Variants in PHACTR1 observed in about 807,000 individuals in gnomAD.
PHACTR1 encodes the protein RPEL repeat containing 1.
Under a neutral mutation model 69.2 loss-of-function variants are expected in PHACTR1, and 16 were observed. The ratio of observed to expected loss-of-function variants is 0.23; its 90% confidence interval spans 0.16 to 0.35. PHACTR1 has a LOEUF of 0.35. Ranked by LOEUF, PHACTR1 falls within the 10% of genes least tolerant of loss-of-function variation. The pLI is 1.00. For synonymous variants in PHACTR1, 312 were observed against 284.5 expected (o/e 1.10, Z -0.97); for missense variants, 510 against 734.7 (o/e 0.69, Z 3.54).
chr6:12,784,094 T>G (rs1050275833), intron 4 of PHACTR1, among the ~76,000 whole-genome samples: 5 of 151,928 alleles, frequency 3.3e-5, no homozygotes, highest in African/African-American at 1.2e-4. Context: ...CACATATATC[T>G]CTACACCTAC....
chr6:13,145,787 C>G (rs1823251000), intron 5 of PHACTR1, among the ~76,000 whole-genome samples: 1 of 152,188 alleles, frequency 6.6e-6, no homozygotes, highest in African/African-American at 2.4e-5. Flanking sequence ...GGGTCAAGAT[C>G]TTTATCTTGG....
intron 10 of PHACTR1, among the ~76,000 whole-genome samples, chr6:13,239,907 G>A (rs552983283): frequency 2.6e-4 from 39 of 152,214 alleles, no homozygotes; most frequent in South Asian, 1.0e-3. Context: ...GGAGAGCACC[G>A]TTAGTTCTCT....
rs111819265 is a variant in PHACTR1 at position 12,982,403 on chromosome 6, G to A, written c.251-70962G>A. ...CACTGTTAAAATTAACCTATCAGCC[G>A]GGCATGGTGGCTCACGCCTGTAATC... On this transcript the variant is annotated intron_variant, in intron 4 of 14. Coordinates refer to ENST00000332995, the MANE Select transcript of PHACTR1 (RefSeq NM_030948.6). Among the ~76,000 whole-genome samples the A allele has an allele frequency of 2.8e-3, 424 of 152,284 alleles. 3 individuals are homozygous for A. Among genetic ancestry groups the A allele is most frequent in the African/African-American group, 9.2e-3 (383 of 41,550 alleles).
intron 4 of PHACTR1, among the ~76,000 whole-genome samples, chr6:12,962,986 A>G (rs185218772): frequency 1.3e-5 from 2 of 152,338 alleles, no homozygotes; most frequent in African/African-American, 2.4e-5. Flanking sequence ...CAGCACATGC[A>G]TGCACACACA....
At chr6:13,170,685 C>G (rs1359693490) in intron 6 of PHACTR1, among the ~76,000 whole-genome samples, 1 of 152,224 alleles carries the variant, frequency 6.6e-6, no homozygotes, top group Non-Finnish European at 1.5e-5. Flanking sequence ...AGTACTCTTG[C>G]AGGAGTCCTG....
intron 4 of PHACTR1, among the ~76,000 whole-genome samples, chr6:13,005,092 C>T (rs1190663600): frequency 6.6e-6 from 1 of 151,762 alleles, no homozygotes; most frequent in Admixed American, 6.6e-5. Flanking sequence ...ATGATACATC[C>T]TTTACATCCT....
chr6:12,841,442 G>C (rs967814803), intron 4 of PHACTR1, among the ~76,000 whole-genome samples: 12 of 152,178 alleles, frequency 7.9e-5, no homozygotes, highest in African/African-American at 2.7e-4. Flanking sequence ...AATGAGTGGG[G>C]CTTCACAATA....
intron 4 of PHACTR1, among the ~76,000 whole-genome samples, chr6:12,989,583 G>A (rs1562100071): frequency 1.3e-5 from 2 of 152,152 alleles, no homozygotes; most frequent in South Asian, 4.1e-4. Flanking sequence ...TTCTGTTGAG[G>A]ACCAGTCTCA....
chr6:13,069,638 A>G (rs544984657), intron 5 of PHACTR1, among the ~76,000 whole-genome samples: 4 of 152,190 alleles, frequency 2.6e-5, no homozygotes, highest in South Asian at 4.1e-4. Flanking sequence ...TATTCCACAT[A>G]AAGCTTAGAT....
chr6:13,013,822 G>A (rs998392204), intron 4 of PHACTR1, among the ~76,000 whole-genome samples: 1 of 148,904 alleles, frequency 6.7e-6, no homozygotes, highest in African/African-American at 2.4e-5. Context: ...TGGCGAGGCC[G>A]AGGGGCGCGA....
chr6:12,974,247 T>C (rs1794600224), intron 4 of PHACTR1, among the ~76,000 whole-genome samples: 1 of 152,088 alleles, frequency 6.6e-6, no homozygotes, highest in Non-Finnish European at 1.5e-5. Flanking sequence ...TAAGCTCCTT[T>C]TCAGAGTTTC....
intron 4 of PHACTR1, among the ~76,000 whole-genome samples, chr6:12,945,372 T>G (rs747109171): frequency 6.6e-6 from 1 of 152,190 alleles, no homozygotes; most frequent in Non-Finnish European, 1.5e-5. Context: ...CAGTCAAAAC[T>G]GTAAGTTTCA....
intron 4 of PHACTR1, among the ~76,000 whole-genome samples, chr6:12,934,567 G>A (rs539154774): frequency 1.3e-5 from 2 of 152,218 alleles, no homozygotes; most frequent in African/African-American, 2.4e-5. Flanking sequence ...CGGGTGTGGT[G>A]GCTCACGCCT....
chr6:13,055,405 G>A (rs1806620081), intron 5 of PHACTR1, among the ~76,000 whole-genome samples: 1 of 152,068 alleles, frequency 6.6e-6, no homozygotes, highest in Non-Finnish European at 1.5e-5. Flanking sequence ...ACAGAAAAGG[G>A]TACTTAGGTC....
At chr6:13,072,896 T>C (rs1259792247) in intron 5 of PHACTR1, among the ~76,000 whole-genome samples, 1 of 152,112 alleles carries the variant, frequency 6.6e-6, no homozygotes, top group Non-Finnish European at 1.5e-5. Flanking sequence ...AGATGTATAA[T>C]GGTGTGAAGT....
chr6:12,736,315 T>G (rs949338336), intron 3 of PHACTR1, among the ~76,000 whole-genome samples: 1 of 152,222 alleles, frequency 6.6e-6, no homozygotes, highest in Non-Finnish European at 1.5e-5. Context: ...TAATTAGTGA[T>G]GTTGTACTGG....
At chr6:12,898,898 C>A (rs995942423) in intron 4 of PHACTR1, among the ~76,000 whole-genome samples, 1 of 152,304 alleles carries the variant, frequency 6.6e-6, no homozygotes, top group East Asian at 1.9e-4. Flanking sequence ...ACTTGCAGTT[C>A]CTTCAACTTG....
intron 13 of PHACTR1, among the ~76,000 whole-genome samples, chr6:13,284,847 T>C (rs780156560): frequency 2.6e-4 from 40 of 152,244 alleles, no homozygotes; most frequent in Non-Finnish European, 5.3e-4. Flanking sequence ...AAGAGGCAGA[T>C]AGACTTCCAG....
At chr6:12,903,080 C>T (rs994799102) in intron 4 of PHACTR1, among the ~76,000 whole-genome samples, 3 of 152,078 alleles carry the variant, frequency 2.0e-5, no homozygotes, top group African/African-American at 4.8e-5. Flanking sequence ...TGGTGAAGAG[C>T]GAGGGTCCTG....
Sources: allele counts gnomAD v4.1 joint callset (sites outside exome capture counted in the v4.1 genomes callset), GRCh38; gene constraint gnomAD v4.1.1; transcripts MANE v1.5; gene names NCBI Gene and HGNC (gene_info 2026-07-23, HGNC 2026-07-21).